Variants in CLN3 observed in about 807,000 individuals in gnomAD.
The protein encoded by CLN3 is CLN3 lysosomal/endosomal transmembrane protein, battenin.
CLN3 carries 49 observed loss-of-function variants against 60.7 expected under a neutral mutation model. The observed-to-expected ratio is 0.81, with a 90% CI of 0.64 to 1.02. The LOEUF is 1.02. CLN3 is among the 50% of genes least tolerant of loss of function. The pLI, the probability that CLN3 is intolerant of heterozygous loss-of-function variation, is 0.00. For synonymous variants in CLN3, 256 were observed against 245.8 expected, an observed-to-expected ratio of 1.04 and a Z score of -0.39; for missense variants, 516 against 557.4, an observed-to-expected ratio of 0.93 and a Z score of 0.75.
In CLN3 at chr16:28,491,776, C is replaced by T. The variant is rs770428655; in HGVS notation, c.-17G>A. The T allele has an allele frequency of 8.1e-6, 13 of 1,613,302 alleles. No individual in the cohort carries two copies. The Admixed American group carries it at 1.8e-4, about 23-fold the overall frequency. On this transcript the variant is annotated 5_prime_UTR_variant, in exon 2 of 16. Coordinates refer to ENST00000636147, the MANE Select transcript of CLN3 (RefSeq NM_001042432.2). ...GCCTCCCATCGCATCAAGTTCAGGT[C>T]CCCCGAGGGTCCAGGGTCATAGAGT...
chr16:28,488,633 G>T lies in CLN3; in HGVS notation c.252C>A (p.His84Gln). 1 of 1,614,220 alleles carries T rather than the reference G, an allele frequency of 6.2e-7. No individual in the cohort carries two copies. The highest frequency in any genetic ancestry group is 8.5e-7 in the Non-Finnish European group (1 of 1,180,032). Residue 84 changes from histidine (H) to glutamine (Q), a missense_variant, in exon 5 of 16, where the codon CAC becomes CAA. By Grantham distance (24) the His-to-Gln change is conservative (BLOSUM62 0). Transcript: ENST00000636147. ...TGCAGTCAAATCGTGATGAGCTGTT[G>T]TGGGGGATCGGCGTTGGGCCTGGGT... is the stretch of plus-strand genomic sequence containing the variant. ...HVDPGPTPIP[H>Q]NSSSRFDCNS...
downstream of CLN3, among the ~76,000 whole-genome samples, chr16:28,472,934 G>A (rs957636334): frequency 6.1e-5 from 9 of 147,280 alleles, no homozygotes; most frequent in South Asian, 2.2e-4. Context: ...ACTGCACCCC[G>A]CCCCTCTTTG....
intron 14 of CLN3, among the ~76,000 whole-genome samples, chr16:28,481,417 A>C (rs867173732): frequency 5.6e-4 from 72 of 129,668 alleles, no homozygotes; most frequent in Non-Finnish European, 9.5e-4. Context: ...CAATGCTTAA[A>C]ACACACACAC....
chr16:28,481,470 A>ACACACG (rs1351463650), intron 14 of CLN3, among the ~76,000 whole-genome samples: 8 of 151,006 alleles, frequency 5.3e-5, no homozygotes, highest in Non-Finnish European at 1.0e-4. Context: ...ACACACACAC[A>ACACACG]CACACTACAA....
chr16:28,491,186 G>A (rs1368961390), intron 3 of CLN3: 5 of 453,398 alleles, frequency 1.1e-5, no homozygotes, highest in Non-Finnish European at 1.2e-5. Context: ...GTGGAGTCGT[G>A]ATTTAAAGTT....
rs1064796298 is a variant in CLN3 at position 28,484,029 on chromosome 16, G to A, written c.767C>T (p.Thr256Ile). ...ACCTGGCTTCGACTCCGGGGCCTCG[G>A]TTCTTATGAGGGGCTGCCGGGCTGC... ...ESAARQPLIRTEAPESKPGSS... is the reference protein window; with the variant it reads ...ESAARQPLIRIEAPESKPGSS... Residue 256 changes from threonine to isoleucine, a missense_variant, in exon 10 of 16, where the codon ACC becomes ATC. Thr to Ile is a moderately conservative substitution (Grantham distance 89, BLOSUM62 -1). Transcript: ENST00000636147. 1 of 1,611,292 alleles carries A rather than the reference G, an allele frequency of 6.2e-7. No individual in the cohort carries two copies. Among genetic ancestry groups the A allele is most frequent in the South Asian group, 1.1e-5 (1 of 90,266 alleles).
chr16:28,487,338 G>T lies in CLN3; in HGVS notation c.460+118C>A, dbSNP rs972653650. The T allele has an allele frequency of 8.3e-6, 7 of 847,820 alleles. No individual in the cohort carries two copies. The African/African-American group carries it at 1.2e-4, about 14-fold the overall frequency. 52.5% of individuals were successfully genotyped at this position (847,820 alleles called of 1,614,324 possible). On this transcript the variant is annotated intron_variant, in intron 7 of 15. Coordinates refer to ENST00000636147, the MANE Select transcript of CLN3 (RefSeq NM_001042432.2). ...TCGCCTACTGCTGATAGCCCTAGCA[G>T]GCTTCTAAGGGTGACAGAATGAATC...
At chr16:28,485,726 C>G (rs1270517040) in intron 9 of CLN3, among the ~76,000 whole-genome samples, 2 of 146,142 alleles carry the variant, frequency 1.4e-5, no homozygotes, top group Non-Finnish European at 3.0e-5. Flanking sequence ...CAAATAAAGT[C>G]CACCCTCATC....
At chr16:28,482,814 G>A in intron 10 of CLN3, 142 bp from the exon 11 acceptor site, 1 of 913,356 alleles carries the variant, frequency 1.1e-6, no homozygotes, top group Non-Finnish European at 1.8e-6. Context: ...CTTAAAAATG[G>A]TTAAAATGGC....
Position 28,478,428 on chromosome 16 carries a change from C to T in CLN3, c.1057-551G>A, listed in dbSNP as rs181350387. ...GCCAGGAGTTCGAGACCAGCCTGGGCAACATAACAAAACTCCGTCTCTACA... is the reference window on the plus strand; with the variant it reads ...GCCAGGAGTTCGAGACCAGCCTGGGTAACATAACAAAACTCCGTCTCTACA... On this transcript the variant is annotated intron_variant, in intron 14 of 15. Transcript: ENST00000636147. Among the ~76,000 whole-genome samples the T allele has an allele frequency of 1.9e-3, 291 of 151,670 alleles. 1 individual carries two copies. The highest frequency in any genetic ancestry group is 6.7e-3 in the African/African-American group (278 of 41,338).
intron 14 of CLN3, 63 bp downstream of exon 14, chr16:28,482,042 G>T: frequency 7.7e-7 from 1 of 1,296,142 alleles, no homozygotes; most frequent in Non-Finnish European, 1.1e-6. Context: ...AGGGGGTTTG[G>T]GGAAGCTGGG....
At chr16:28,491,984 C>T (rs2046323341) in intron 1 of CLN3, 36 bp downstream of exon 1, 4 of 628,200 alleles carry the variant, frequency 6.4e-6, no homozygotes, top group African/African-American at 5.5e-5. Context: ...GTACTCTCCC[C>T]CGCCCCGTCT....
intron 1 of CLN3, 90 bp from the exon 2 acceptor site, chr16:28,491,925 C>A (rs1256092573): frequency 6.7e-6 from 6 of 893,030 alleles, no homozygotes; most frequent in Non-Finnish European, 1.1e-5. Flanking sequence ...ATCAAGGAAG[C>A]TGGGGGCTCC....
Position 28,488,607 on chromosome 16 carries a change from T to C in CLN3, c.278A>G (p.Asn93Ser), listed in dbSNP as rs140409296. The C allele has an allele frequency of 6.2e-6, 10 of 1,613,932 alleles. No individual in the cohort carries two copies. Among genetic ancestry groups the C allele is most frequent in the Non-Finnish European group, 8.5e-6 (10 of 1,179,978 alleles). Residue 93 changes from asparagine to serine, a missense_variant, in exon 5 of 16, where the codon AAC (asparagine) becomes AGC (serine). By Grantham distance (46) the Asn-to-Ser change is conservative. Coordinates refer to ENST00000636147, the MANE Select transcript of CLN3 (RefSeq NM_001042432.2). ...PHNSSSRFDC[N>S]SVSTAAVLLA... ...AGTACGCACAGCCGTAGAGACAGAG[T>C]TGCAGTCAAATCGTGATGAGCTGTT...
Position 28,480,241 on chromosome 16 carries a change from G to T in CLN3, c.1056+1864C>A, listed in dbSNP as rs577846955. Among the ~76,000 whole-genome samples, 6 of 151,612 alleles carry T rather than the reference G, an allele frequency of 4.0e-5. No homozygotes were observed. The East Asian group carries it at 5.8e-4, about 15-fold the overall frequency. On this transcript the variant is annotated intron_variant, in intron 14 of 15. Coordinates refer to ENST00000636147, the MANE Select transcript of CLN3 (RefSeq NM_001042432.2). ...TTTTTTTTTAATTTTTTGTAGAGGT[G>T]GGGGGTCTCACTATGTTGTCCAGTC...
downstream of CLN3, chr16:28,477,159 AAAC>A (rs1296838063): frequency 6.0e-6 from 2 of 332,996 alleles, no homozygotes; most frequent in African/African-American, 4.3e-5. Flanking sequence ...ACAAACAAAC[AAAC>A]AAAAAAGGGA....
chr16:28,481,645 G>C (rs954865351), intron 14 of CLN3, among the ~76,000 whole-genome samples: 1 of 151,980 alleles, frequency 6.6e-6, no homozygotes, highest in Non-Finnish European at 1.5e-5. Flanking sequence ...AGTTTTGCTT[G>C]GCTCCTGAGG....
At position 28,487,568 on chromosome 16, in the gene CLN3, G is replaced by C. The variant is rs377014825; in HGVS notation, c.375-27C>G. 9 of 1,604,396 alleles carry C rather than the reference G, an allele frequency of 5.6e-6. No homozygotes were observed. The African/African-American group carries it at 1.1e-4, about 19-fold the overall frequency. On this transcript the variant is annotated intron_variant, in intron 6 of 15. Coordinates refer to ENST00000636147, the MANE Select transcript of CLN3 (RefSeq NM_001042432.2). ...TGAGGGGGTGAGAAGGGAAGGGAGG[G>C]GGAAGGTCGGTCTCTACTCTCAGCA... is the stretch of plus-strand genomic sequence containing the variant.
At chr16:28,474,941 G>GA (rs940814896), downstream of CLN3, among the ~76,000 whole-genome samples, 191 of 151,940 alleles carry the variant, frequency 1.3e-3, 2 homozygotes, top group Admixed American at 5.7e-3. Context: ...CGTCTCTACA[G>GA]AAAAAAAATA....
Sources: allele counts gnomAD v4.1 joint callset (sites outside exome capture counted in the v4.1 genomes callset), GRCh38; gene constraint gnomAD v4.1.1; transcripts MANE v1.5; gene names NCBI Gene and HGNC (gene_info 2026-07-23, HGNC 2026-07-21).